IPMK: variants seen among roughly 807,000 people sequenced by gnomAD.
IPMK encodes the protein inositol 1,3,4,6-tetrakisphosphate 5-kinase.
Under a neutral mutation model 45.8 loss-of-function variants are expected in IPMK, and 17 were observed. The ratio of observed to expected loss-of-function variants is 0.37; its 90% confidence interval spans 0.25 to 0.56. The LOEUF is 0.56. IPMK is among the 20% of genes least tolerant of loss of function. IPMK has a pLI of 0.79. For missense variants in IPMK, 399 were observed against 498.0 expected (o/e 0.80, Z 1.89); for synonymous variants, 180 against 184.3 (o/e 0.98, Z 0.19).
At chr10:58,231,928 G>A (rs1838530057) in intron 2 of IPMK, among the ~76,000 whole-genome samples, 1 of 152,170 alleles carries the variant, frequency 6.6e-6, no homozygotes, top group Non-Finnish European at 1.5e-5. Flanking sequence ...GTATTCAGGA[G>A]ACCCATCTCA....
rs114090275 is a variant in IPMK, at chr10:58,252,715, T to A, written c.190+14707A>T. ...GCAACCTCCACCTTCCGGGTTCAAG[T>A]GATTCTCCTGCCTCGACTGCCTGAA... is the stretch of plus-strand genomic sequence containing the variant. On this transcript the variant is annotated intron_variant, in intron 1 of 5. Transcript: ENST00000373935. Among the ~76,000 whole-genome samples, 1,486 of 150,852 alleles carry A rather than the reference T, an allele frequency of 9.9e-3. 19 individuals carry two copies. Among genetic ancestry groups the A allele is most frequent in the African/African-American group, 0.033 (1,369 of 40,918 alleles).
chr10:58,198,949 T>C (rs1837956993), intron 5 of IPMK, among the ~76,000 whole-genome samples: 1 of 152,130 alleles, frequency 6.6e-6, no homozygotes. Context: ...ACACAACCTC[T>C]AGTTCCAGTA....
chr10:58,251,827 A>G (rs1019518994), intron 1 of IPMK, among the ~76,000 whole-genome samples: 1 of 152,302 alleles, frequency 6.6e-6, no homozygotes, highest in East Asian at 1.9e-4. Context: ...TTGCATTTGC[A>G]TGGAATATCT....
intron 2 of IPMK, among the ~76,000 whole-genome samples, chr10:58,230,839 T>C (rs187874898): frequency 3.5e-4 from 54 of 152,280 alleles, no homozygotes; most frequent in Middle Eastern, 3.4e-3. Context: ...GACGAGTTGA[T>C]AGAAGTAGGC....
chr10:58,254,446 T>G (rs1838933493), intron 1 of IPMK, among the ~76,000 whole-genome samples: 1 of 152,196 alleles, frequency 6.6e-6, no homozygotes, highest in African/African-American at 2.4e-5. Context: ...GTTTTCCAAA[T>G]TTCATTTAGA....
intron 3 of IPMK, among the ~76,000 whole-genome samples, chr10:58,225,697 C>A (rs1014608721): frequency 1.3e-5 from 2 of 152,082 alleles, no homozygotes; most frequent in African/African-American, 4.8e-5. Flanking sequence ...TTCAGCGTCA[C>A]TTTACTGAGG....
At chr10:58,263,864 A>G (rs762474578) in intron 1 of IPMK, among the ~76,000 whole-genome samples, 4 of 152,190 alleles carry the variant, frequency 2.6e-5, no homozygotes, top group Non-Finnish European at 5.9e-5. Context: ...ATTAAAGAAC[A>G]TTTCATAAAA....
chr10:58,254,386 T>A (rs960285348), intron 1 of IPMK, among the ~76,000 whole-genome samples: 1 of 152,184 alleles, frequency 6.6e-6, no homozygotes, highest in African/African-American at 2.4e-5. Context: ...CTCTCTTTTT[T>A]AAAAAATCAC....
intron 3 of IPMK, among the ~76,000 whole-genome samples, chr10:58,221,956 C>T (rs1398063590): frequency 6.6e-6 from 1 of 152,076 alleles, no homozygotes; most frequent in Non-Finnish European, 1.5e-5. Flanking sequence ...ACCATGTTGG[C>T]CAGGCTAGTC....
rs376498152 is a variant in IPMK at position 58,262,255 on chromosome 10, A to T, written c.190+5167T>A. Among the ~76,000 whole-genome samples, 58 of 152,342 alleles carry T rather than the reference A, an allele frequency of 3.8e-4. 3 individuals carry two copies. The South Asian group carries it at 5.4e-3, about 14-fold the overall frequency. ...ACTTAAAGTATAATAAATAAATAAA[A>T]AAATCTCATCCTGAATTCTTTATTC... On this transcript the variant is annotated intron_variant, in intron 1 of 5. Coordinates refer to ENST00000373935, the MANE Select transcript of IPMK (RefSeq NM_152230.5).
intron 1 of IPMK, among the ~76,000 whole-genome samples, chr10:58,256,689 C>T (rs1226803175): frequency 6.6e-6 from 1 of 152,130 alleles, no homozygotes; most frequent in Non-Finnish European, 1.5e-5. Context: ...ACAGAACCTG[C>T]CGACATGTGA....
At chr10:58,234,013 C>T (rs1009927946) in intron 2 of IPMK, among the ~76,000 whole-genome samples, 4 of 152,296 alleles carry the variant, frequency 2.6e-5, no homozygotes, top group Middle Eastern at 3.4e-3. Context: ...CATTCCTATA[C>T]ACCATTAACA....
chr10:58,219,087 G>A (rs766644252), intron 3 of IPMK, among the ~76,000 whole-genome samples: 19 of 152,228 alleles, frequency 1.2e-4, no homozygotes, highest in Non-Finnish European at 2.6e-4. Flanking sequence ...GTTTCATATG[G>A]TTGGAATTAC....
chr10:58,197,333 A>AC lies in IPMK; in HGVS notation c.629-636_629-635insG, dbSNP rs56882213. Among the ~76,000 whole-genome samples the AC allele has an allele frequency of 4.7e-5, 7 of 149,614 alleles. 1 individual carries two copies. Among genetic ancestry groups the AC allele is most frequent in the African/African-American group, 1.7e-4 (7 of 40,760 alleles). On this transcript the variant is annotated intron_variant, in intron 5 of 5. Transcript: ENST00000373935. ...TAAATAAATAAATAAATAAATACAT[A>AC]AATACATAAACACATAAATAAAAAA...
At chr10:58,232,000 A>G (rs1838531052) in intron 2 of IPMK, among the ~76,000 whole-genome samples, 1 of 152,218 alleles carries the variant, frequency 6.6e-6, no homozygotes, top group Non-Finnish European at 1.5e-5. Context: ...AAGCAAATGG[A>G]AAGCAAAAAA....
Position 58,267,572 on chromosome 10 carries a change from G to A in IPMK, c.40C>T (p.Pro14Ser). Residue 14 changes from proline (P) to serine (S), a missense_variant, in exon 1 of 6, where the codon CCG (proline) becomes TCG (serine). This residue lies in a region of IPMK where 111 missense variants were observed against 99.9 expected (regional missense o/e 1.11). Transcript: ENST00000373935. ...GAGGTCCGCATTTCTGGGGGGCCCG[G>A]CGCCTCGACCCGGAGGGGGGATGGT... is the stretch of plus-strand genomic sequence containing the variant. ...EPPSPLRVEAPGPPEMRTSPA... is the reference protein window; with the variant it reads ...EPPSPLRVEASGPPEMRTSPA... 6.2e-7 allele frequency: 1 copy of A among 1,608,476 alleles called. No homozygotes were observed.
chr10:58,244,611 TGTG>T (rs1220425065), intron 1 of IPMK, among the ~76,000 whole-genome samples: 1 of 147,932 alleles, frequency 6.8e-6, no homozygotes, highest in African/African-American at 2.5e-5. Flanking sequence ...AAGGGGGAAA[TGTG>T]GGGAAAAGAA....
At chr10:58,267,288 CG>C in intron 1 of IPMK, 133 bp downstream of exon 1, 1 of 803,658 alleles carries the variant, frequency 1.2e-6, no homozygotes. Context: ...CGGGGGACAG[CG>C]GAAGAGGCCA....
At chr10:58,248,022 A>G (rs1838827769) in intron 1 of IPMK, among the ~76,000 whole-genome samples, 1 of 152,124 alleles carries the variant, frequency 6.6e-6, no homozygotes, top group Non-Finnish European at 1.5e-5. Context: ...CACCTATATT[A>G]AAAACAAAGT....
Sources: gnomAD v4.1 joint callset for allele counts (sites outside exome capture counted in the v4.1 genomes callset) on GRCh38, gnomAD v4.1.1 for gene constraint, gnomAD v4.1.1 regional missense constraint, MANE v1.5 for transcripts, NCBI Gene and HGNC (gene_info 2026-07-23, HGNC 2026-07-21) for gene names.